TNFRSF19: variants seen among roughly 807,000 people sequenced by gnomAD.
The protein encoded by TNFRSF19 is TNF receptor superfamily member 19.
Under a neutral mutation model 46.4 loss-of-function variants are expected in TNFRSF19, and 27 were observed. The ratio of observed to expected loss-of-function variants is 0.58; its 90% CI spans 0.43 to 0.80. TNFRSF19 has a LOEUF of 0.80. Ranked by LOEUF, TNFRSF19 falls within the 30% of genes least tolerant of loss-of-function variation. The pLI, the probability that TNFRSF19 is intolerant of heterozygous loss-of-function variation, is 0.00. For missense variants in TNFRSF19, 511 were observed against 530.8 expected, an observed-to-expected ratio of 0.96 and a Z score of 0.37; for synonymous variants, 204 against 205.0, an observed-to-expected ratio of 1.00 and a Z score of 0.04.
chr13:23,590,106 C>T, intron 1 of TNFRSF19, 44 bp from the exon 2 acceptor site: 4 of 915,400 alleles, frequency 4.4e-6, no homozygotes, highest in Non-Finnish European at 6.9e-6. Context: ...AGCACAGTCA[C>T]TGATGTTTTT....
At chr13:23,583,134 T>C (rs183791059) in intron 1 of TNFRSF19, among the ~76,000 whole-genome samples, 7 of 152,358 alleles carry the variant, frequency 4.6e-5, no homozygotes, top group Admixed American at 4.6e-4. Context: ...TCCAAATTGT[T>C]TTCCAAAGTG....
intron 4 of TNFRSF19, among the ~76,000 whole-genome samples, chr13:23,624,599 T>A (rs568537146): frequency 1.2e-4 from 18 of 152,286 alleles, no homozygotes; most frequent in African/African-American, 4.3e-4. Context: ...TGTAGACTTG[T>A]TCTCTATATT....
chr13:23,626,962 C>G (rs576117930), intron 5 of TNFRSF19, among the ~76,000 whole-genome samples, 170 bp downstream of exon 5: 2 of 152,328 alleles, frequency 1.3e-5, no homozygotes, highest in South Asian at 4.1e-4. Flanking sequence ...TCCCTTTGTT[C>G]TGTGCCTCAG....
chr13:23,604,167 C>A (rs1037558636), intron 3 of TNFRSF19, among the ~76,000 whole-genome samples: 3 of 151,786 alleles, frequency 2.0e-5, no homozygotes, highest in African/African-American at 4.8e-5. Flanking sequence ...TTCAAGATAC[C>A]TGGTTAATGT....
chr13:23,641,097 T>A (rs3794347), intron 5 of TNFRSF19, among the ~76,000 whole-genome samples: 34,251 of 152,144 alleles, frequency 0.23, 4,605 homozygotes, highest in Non-Finnish European at 0.3. Flanking sequence ...TGTACAAAAA[T>A]TACACTCAAT....
chr13:23,671,823 A>C (rs1951766309), intron 9 of TNFRSF19, among the ~76,000 whole-genome samples: 1 of 152,214 alleles, frequency 6.6e-6, no homozygotes, highest in Non-Finnish European at 1.5e-5. Flanking sequence ...ACGCCGCTGC[A>C]CTCCAGCCTG....
intron 3 of TNFRSF19, 71 bp from the exon 4 acceptor site, chr13:23,615,796 C>T (rs1881236292): frequency 1.4e-6 from 2 of 1,437,040 alleles, no homozygotes; most frequent in African/African-American, 2.9e-5. Context: ...GTCTTCGTTT[C>T]ATCCTAGCGG....
At chr13:23,591,616 G>A (rs1251521293) in intron 2 of TNFRSF19, among the ~76,000 whole-genome samples, 2 of 152,096 alleles carry the variant, frequency 1.3e-5, no homozygotes, top group African/African-American at 4.8e-5. Flanking sequence ...CGGTCTCTCT[G>A]TGGTGGAAGG....
intron 1 of TNFRSF19, among the ~76,000 whole-genome samples, chr13:23,588,809 A>T (rs189404166): frequency 3.4e-4 from 52 of 152,320 alleles, no homozygotes; most frequent in African/African-American, 1.2e-3. Context: ...AAAAGTTATG[A>T]CCAAGTAGCT....
At chr13:23,607,752 C>T (rs1185691857) in intron 3 of TNFRSF19, among the ~76,000 whole-genome samples, 1 of 152,118 alleles carries the variant, frequency 6.6e-6, no homozygotes, top group Non-Finnish European at 1.5e-5. Flanking sequence ...TATCTTAAAA[C>T]TTCTGACATT....
rs74700864 is a variant in TNFRSF19, at chr13:23,660,988, G to C, written c.736+498G>C. 1.5e-3 allele frequency among the ~76,000 whole-genome samples: 236 copies of C among 152,316 alleles called. 1 individual carries two copies. The highest frequency in any genetic ancestry group is 5.4e-3 in the African/African-American group (224 of 41,564). Reference sequence around the variant, plus strand: ...ATTGACAGATTGAAAGTTTAGGAAAGTAATTCAAAGGGAAACTGGTCTCTA... The same window carrying C: ...ATTGACAGATTGAAAGTTTAGGAAACTAATTCAAAGGGAAACTGGTCTCTA... On this transcript the variant is annotated intron_variant, in intron 7 of 9. Coordinates refer to ENST00000248484, the MANE Select transcript of TNFRSF19 (RefSeq NM_148957.4).
chr13:23,651,330 T>C (rs182098828), intron 5 of TNFRSF19, among the ~76,000 whole-genome samples: 150 of 152,346 alleles, frequency 9.8e-4, no homozygotes, highest in African/African-American at 3.5e-3. Flanking sequence ...TTTGTGCTTA[T>C]ATTCCAGTAC....
intron 9 of TNFRSF19, among the ~76,000 whole-genome samples, chr13:23,670,053 G>A (rs1006169641): frequency 6.6e-6 from 1 of 152,142 alleles, no homozygotes; most frequent in East Asian, 1.9e-4. Flanking sequence ...CTCCAGAGGG[G>A]CCTCACTTCC....
chr13:23,598,064 T>A (rs1879866621), intron 3 of TNFRSF19, among the ~76,000 whole-genome samples: 1 of 152,200 alleles, frequency 6.6e-6, no homozygotes, highest in Admixed American at 6.5e-5. Context: ...CTAAAAACTC[T>A]CAATAAACTA....
intron 1 of TNFRSF19, among the ~76,000 whole-genome samples, chr13:23,575,812 T>G (rs1335927878): frequency 6.6e-6 from 1 of 152,236 alleles, no homozygotes; most frequent in Non-Finnish European, 1.5e-5. Context: ...TCATTAGCTT[T>G]GCTACCAGCG....
At chr13:23,602,882 G>T (rs768658279) in intron 3 of TNFRSF19, among the ~76,000 whole-genome samples, 6 of 151,864 alleles carry the variant, frequency 4.0e-5, no homozygotes, top group African/African-American at 1.5e-4. Context: ...GGTACTGAAG[G>T]CACATATTAG....
chr13:23,634,690 A>G (rs7987909), intron 5 of TNFRSF19, among the ~76,000 whole-genome samples: 20,834 of 152,170 alleles, frequency 0.14, 1,762 homozygotes, highest in African/African-American at 0.24. Context: ...TTTGATGCCA[A>G]ACCTGTAGTG....
intron 5 of TNFRSF19, among the ~76,000 whole-genome samples, chr13:23,652,712 A>G (rs1883723845): frequency 2.0e-5 from 3 of 152,230 alleles, no homozygotes; most frequent in Admixed American, 2.0e-4. Context: ...CCAAGGTGGA[A>G]GGTTATTAGA....
At chr13:23,591,667 G>C (rs562154963) in intron 2 of TNFRSF19, among the ~76,000 whole-genome samples, 10 of 151,770 alleles carry the variant, frequency 6.6e-5, no homozygotes, top group Non-Finnish European at 1.3e-4. Flanking sequence ...TGCAAGACTG[G>C]GAGTTGAGGA....
Sources: gnomAD v4.1 joint callset for allele counts (sites outside exome capture counted in the v4.1 genomes callset) on GRCh38, gnomAD v4.1.1 for gene constraint, MANE v1.5 for transcripts, NCBI Gene and HGNC (gene_info 2026-07-23, HGNC 2026-07-21) for gene names.